Variants in CYLC1 observed in about 807,000 individuals in gnomAD.
The protein encoded by CYLC1 is cylicin-1.
A neutral mutation model predicts 31.6 loss-of-function variants in CYLC1; 2 were observed. The ratio of observed to expected loss-of-function variants is 0.06; its 90% CI spans 0.03 to 0.20. The LOEUF (loss-of-function observed/expected upper bound fraction) is 0.20, where lower values mean the gene tolerates loss of function less well. Ranked by LOEUF, CYLC1 falls within the 10% of genes least tolerant of loss-of-function variation. CYLC1 has a pLI of 1.00. For synonymous variants in CYLC1, 185 were observed against 153.0 expected, an observed-to-expected ratio of 1.21 and a Z score of -1.54; for missense variants, 595 against 424.1, an observed-to-expected ratio of 1.40 and a Z score of -3.54.
chrX:83,863,556 C>T (rs2031546188), intron 1 of CYLC1, among the ~76,000 whole-genome samples: 1 of 111,116 alleles, frequency 9.0e-6, no homozygotes, highest in Non-Finnish European at 1.9e-5. Flanking sequence ...TAAATTTAAA[C>T]CTCTAATCAT....
chrX:83,885,288 C>T (rs1201235419), intron 4 of CYLC1, among the ~76,000 whole-genome samples: 1 of 109,134 alleles, frequency 9.2e-6, no homozygotes, highest in Non-Finnish European at 1.9e-5. Flanking sequence ...ATCAAGAGTG[C>T]TATGATAAGA....
intron 1 of CYLC1, among the ~76,000 whole-genome samples, chrX:83,863,524 GA>G (rs1201021403): frequency 9.0e-6 from 1 of 110,526 alleles, no homozygotes; most frequent in Non-Finnish European, 1.9e-5. Flanking sequence ...CATCTTTGCT[GA>G]AAAAAACACT....
At chrX:83,885,037 A>G (rs1417451111) in intron 4 of CYLC1, among the ~76,000 whole-genome samples, 1 of 111,448 alleles carries the variant, frequency 9.0e-6, no homozygotes, top group Non-Finnish European at 1.9e-5. Flanking sequence ...TCTTTCCATA[A>G]TAACTATGGT....
rs1411394328 is a variant in CYLC1 at position 83,872,980 on chromosome X, A to G, written c.272A>G (p.Tyr91Cys). ...FRKILQWPPI[Y>C]TAAREQTPFR... is the part of the protein sequence containing the mutation. ...AAAATTTTGCAATGGCCACCCATTTACACAGCTGCCAGGGAACAGACTCCA... is the reference window on the plus strand; with the variant it reads ...AAAATTTTGCAATGGCCACCCATTTGCACAGCTGCCAGGGAACAGACTCCA... The change falls in exon 4 of 5, where the codon TAC becomes TGC. Residue 91 changes from tyrosine to cysteine, a missense_variant. Coordinates refer to ENST00000329312, the MANE Select transcript of CYLC1 (RefSeq NM_021118.3). 2 of 1,203,830 alleles carry G rather than the reference A, an allele frequency of 1.7e-6. No homozygotes were observed. The highest frequency in any genetic ancestry group is 3.5e-5 in the African/African-American group (2 of 56,501).
intron 1 of CYLC1, among the ~76,000 whole-genome samples, chrX:83,865,554 A>G (rs1471745864): frequency 8.9e-6 from 1 of 111,806 alleles, no homozygotes; most frequent in African/African-American, 3.2e-5. Context: ...AATCTCTTAC[A>G]TTTCTGGAAG....
chrX:83,866,103 A>G (rs1430849555), intron 1 of CYLC1, among the ~76,000 whole-genome samples: 1 of 111,659 alleles, frequency 9.0e-6, no homozygotes, highest in Non-Finnish European at 1.9e-5. Flanking sequence ...CATCTAAATC[A>G]GATATAGTGA....
Position 83,874,508 on chromosome X carries a change from T to C in CYLC1, c.1800T>C (p.Val600=), listed in dbSNP as rs2031731218. ...GGGAAAAAGCAAGTACAGGTAGAGT[T>C]CCTCCATCAAGAGAAAAACCACCAC... The part of the protein sequence containing the change: ...EKGEKASTGR[V]PPSREKPPLP... Residue 600 remains valine, a synonymous_variant, in exon 4 of 5, where the codon GTT becomes GTC. Transcript: ENST00000329312. 8.3e-7 allele frequency: 1 copy of C among 1,209,693 alleles called. No individual in the cohort carries two copies. Among genetic ancestry groups the C allele is most frequent in the Non-Finnish European group, 1.1e-6 (1 of 894,601 alleles).
rs145752404 is a variant in CYLC1 at position 83,873,506 on chromosome X, G to A, written c.798G>A (p.Arg266=). 1.0e-3 allele frequency: 1,250 copies of A among 1,193,385 alleles called. 4 individuals are homozygous for A. The Middle Eastern group carries it at 0.011, about 11-fold the overall frequency. The part of the protein sequence containing the change: ...DESINFDAWL[R]NYSQNNSKNY... ...CCATAAATTTTGATGCATGGTTAAG[G>A]AATTACTCACAGAATAATTCAAAGA... is the stretch of plus-strand genomic sequence containing the variant. The change falls in exon 4 of 5, where the codon AGG becomes AGA. Residue 266 remains arginine, a synonymous_variant. Transcript: ENST00000329312.
intron 1 of CYLC1, among the ~76,000 whole-genome samples, chrX:83,866,035 G>T (rs770846624): frequency 1.8e-5 from 2 of 111,252 alleles, no homozygotes; most frequent in East Asian, 5.7e-4. Context: ...ATTAACTCAA[G>T]TCCAACATCA....
chrX:83,871,164 C>T (rs1490670116), intron 2 of CYLC1, among the ~76,000 whole-genome samples: 5 of 110,121 alleles, frequency 4.5e-5, no homozygotes, highest in Non-Finnish European at 7.6e-5. Flanking sequence ...TTCCTACTGT[C>T]TGATTATATA....
chrX:83,880,518 A>G (rs988729881), intron 4 of CYLC1, among the ~76,000 whole-genome samples: 1 of 111,626 alleles, frequency 9.0e-6, no homozygotes, highest in African/African-American at 3.3e-5. Flanking sequence ...ACAGCTTTGG[A>G]GTCAAATAAT....
chrX:83,886,640 A>G lies in CYLC1; in HGVS notation c.*56A>G. 1 of 992,303 alleles carries G rather than the reference A, an allele frequency of 1.0e-6. No individual in the cohort carries two copies. Among genetic ancestry groups the G allele is most frequent in the Admixed American group, 2.3e-5 (1 of 44,366 alleles). 81.8% of individuals were successfully genotyped at this position (992,303 alleles called of 1,213,427 possible). On this transcript the variant is annotated 3_prime_UTR_variant, in exon 5 of 5. Coordinates refer to ENST00000329312, the MANE Select transcript of CYLC1 (RefSeq NM_021118.3). ...GGCCTTACCACAGTAAGCACCACCTACTCTCAAATGAGCATTTCTACCTCT... is the reference window on the plus strand; with the variant it reads ...GGCCTTACCACAGTAAGCACCACCTGCTCTCAAATGAGCATTTCTACCTCT...
chrX:83,869,820 T>C, intron 1 of CYLC1, 45 bp from the exon 2 acceptor site: 1 of 649,374 alleles, frequency 1.5e-6, no homozygotes, highest in Non-Finnish European at 2.1e-6. Context: ...TTTTATTTAT[T>C]GCCCATAATA....
rs1406627376 is a variant in CYLC1, at chrX:83,874,340, A to T, written c.1632A>T (p.Glu544Asp). Reference protein sequence around the residue: ...TSTKIKGSDTESEESLYKPGA... With the variant: ...TSTKIKGSDTDSEESLYKPGA... Reference sequence around the variant, plus strand: ...CAAAAATCAAAGGTTCAGATACTGAATCTGAAGAGTCACTATATAAACCTG... The same window carrying T: ...CAAAAATCAAAGGTTCAGATACTGATTCTGAAGAGTCACTATATAAACCTG... The change falls in exon 4 of 5, where the codon GAA (glutamate) becomes GAT (aspartate). Residue 544 changes from glutamate (E) to aspartate (D), a missense_variant. Physicochemically the swap from Glu to Asp is conservative, Grantham distance 45. Transcript: ENST00000329312. 2.5e-6 allele frequency: 3 copies of T among 1,207,682 alleles called. No homozygotes were observed. The African/African-American group carries it at 5.3e-5, about 21-fold the overall frequency.
rs762829687 is a variant in CYLC1, at chrX:83,872,941, G to T, written c.233G>T (p.Arg78Met). 8.3e-7 allele frequency: 1 copy of T among 1,198,899 alleles called. No homozygotes were observed. Among genetic ancestry groups the T allele is most frequent in the Admixed American group, 2.3e-5 (1 of 43,428 alleles). The change falls in exon 4 of 5, where the codon AGG becomes ATG. Residue 78 changes from arginine (R) to methionine (M), a missense_variant. Transcript: ENST00000329312. ...CAGAAACCAGCTCATAAATGGATAA[G>T]GCATTCTTTCAGAAAAATTTTGCAA... ...EGQKPAHKWI[R>M]HSFRKILQWP...
chrX:83,875,582 C>A (rs894157536), intron 4 of CYLC1, among the ~76,000 whole-genome samples: 7 of 111,396 alleles, frequency 6.3e-5, no homozygotes, highest in African/African-American at 2.0e-4. Context: ...ACCATCAGAT[C>A]TTTTGAGACT....
Position 83,874,087 on chromosome X carries a change from A to G in CYLC1, c.1379A>G (p.Asp460Gly), listed in dbSNP as rs2031720974. 3 of 1,205,428 alleles carry G rather than the reference A, an allele frequency of 2.5e-6. No homozygotes were observed. Among genetic ancestry groups the G allele is most frequent in the East Asian group, 3.0e-5 (1 of 33,713 alleles). Reference sequence around the variant, plus strand: ...GGAGATTCAAAAAAGGGTAAAAAGGATGAAAAGAAGGGGAAGAAAGATTCA... The same window carrying G: ...GGAGATTCAAAAAAGGGTAAAAAGGGTGAAAAGAAGGGGAAGAAAGATTCA... ...PKGDSKKGKK[D>G]EKKGKKDSKK... The change falls in exon 4 of 5, where the codon GAT becomes GGT. Residue 460 changes from aspartate to glycine, a missense_variant. Transcript: ENST00000329312.
intron 3 of CYLC1, among the ~76,000 whole-genome samples, chrX:83,871,807 C>A (rs894653959): frequency 9.0e-6 from 1 of 110,570 alleles, no homozygotes. Flanking sequence ...CTGCACCTGG[C>A]AAGTTCTATC....
intron 4 of CYLC1, among the ~76,000 whole-genome samples, chrX:83,879,816 G>A (rs1437109390): frequency 2.7e-5 from 3 of 111,254 alleles, no homozygotes; most frequent in Non-Finnish European, 5.7e-5. Context: ...GGAGCAGGAG[G>A]AAGTGAGGTT....
Sources: allele counts gnomAD v4.1 joint callset (sites outside exome capture counted in the v4.1 genomes callset), GRCh38; gene constraint gnomAD v4.1.1; transcripts MANE v1.5; gene names NCBI Gene and HGNC (gene_info 2026-07-23, HGNC 2026-07-21).